LIN54: variants seen among roughly 807,000 people sequenced by gnomAD.
LIN54 encodes the protein lin-54 DREAM MuvB core complex component, also known as protein lin-54 homolog.
Under a neutral mutation model 78.7 loss-of-function variants are expected in LIN54, and 9 were observed. That is an observed-to-expected ratio of 0.11 (90% confidence interval 0.07 to 0.20). The LOEUF (loss-of-function observed/expected upper bound fraction) is 0.20. Among genes scored for constraint, LIN54 ranks in the 10% least tolerant of loss-of-function variants. LIN54 has a pLI of 1.00. For synonymous variants in LIN54, 269 were observed against 318.4 expected (o/e 0.84, Z 1.65); for missense variants, 573 against 889.9 (o/e 0.64, Z 4.53).
intron 1 of LIN54, among the ~76,000 whole-genome samples, chr4:82,985,566 A>G (rs1236624205): frequency 6.6e-6 from 1 of 152,186 alleles, no homozygotes; most frequent in Non-Finnish European, 1.5e-5. Flanking sequence ...ATTGAGACGG[A>G]GTCTCACTCT....
chr4:83,001,572 G>T lies in LIN54; in HGVS notation c.-33+8912C>A, dbSNP rs1484489835. ...AAAAGAAAAGAAAAAGAAGCCGGGCGCAGTGGCTCACGCCTGTAATCCCAG... is the reference window on the plus strand; with the variant it reads ...AAAAGAAAAGAAAAAGAAGCCGGGCTCAGTGGCTCACGCCTGTAATCCCAG... On this transcript the variant is annotated intron_variant, in intron 1 of 12. Coordinates refer to ENST00000340417, the MANE Select transcript of LIN54 (RefSeq NM_194282.4). 2.0e-5 allele frequency among the ~76,000 whole-genome samples: 3 copies of T among 151,276 alleles called. No homozygotes were observed. The East Asian group carries it at 5.9e-4, about 30-fold the overall frequency.
chr4:82,978,594 A>G (rs1254146511), intron 3 of LIN54, among the ~76,000 whole-genome samples: 2 of 152,172 alleles, frequency 1.3e-5, no homozygotes. Flanking sequence ...AGGGCTAAGA[A>G]TGGTGCCTAG....
At chr4:82,965,038 T>C (rs1725094650) in intron 4 of LIN54, among the ~76,000 whole-genome samples, 1 of 152,104 alleles carries the variant, frequency 6.6e-6, no homozygotes, top group Admixed American at 6.6e-5. Context: ...AATAAATTTT[T>C]TTTAAAGAAA....
intron 4 of LIN54, among the ~76,000 whole-genome samples, chr4:82,954,713 C>T (rs1052578447): frequency 1.3e-5 from 2 of 152,108 alleles, no homozygotes; most frequent in Non-Finnish European, 2.9e-5. Flanking sequence ...ACAGACCACA[C>T]CCAACACAAT....
At chr4:82,999,613 C>A (rs973438021) in intron 1 of LIN54, among the ~76,000 whole-genome samples, 33 of 151,380 alleles carry the variant, frequency 2.2e-4, no homozygotes, top group Middle Eastern at 6.8e-3. Flanking sequence ...CCTGTCTCTA[C>A]CAAAAAATAC....
At position 83,009,333 on chromosome 4, in the gene LIN54, C is replaced by T. The variant is rs116050139; in HGVS notation, c.-33+1151G>A. Among the ~76,000 whole-genome samples the T allele has an allele frequency of 1.1e-3, 172 of 152,232 alleles. 1 individual carries two copies. The highest frequency in any genetic ancestry group is 4.0e-3 in the African/African-American group (165 of 41,552). ...ATACTCTCTGTAGACAATTTGAATACGGAAATTTAGGGCTAATCATAAACA... is the reference window on the plus strand; with the variant it reads ...ATACTCTCTGTAGACAATTTGAATATGGAAATTTAGGGCTAATCATAAACA... On this transcript the variant is annotated intron_variant, in intron 1 of 12. Coordinates refer to ENST00000340417, the MANE Select transcript of LIN54 (RefSeq NM_194282.4).
At chr4:82,950,205 G>C (rs1051011549) in intron 4 of LIN54, among the ~76,000 whole-genome samples, 3 of 152,000 alleles carry the variant, frequency 2.0e-5, no homozygotes, top group Admixed American at 6.6e-5. Context: ...ACACTTTTTT[G>C]ACGTGTTAGT....
At chr4:82,947,476 T>G (rs2126046365) in intron 4 of LIN54, among the ~76,000 whole-genome samples, 1 of 150,830 alleles carries the variant, frequency 6.6e-6, no homozygotes, top group African/African-American at 2.4e-5. Context: ...CAGGCTGGTC[T>G]TGAACTCCTG....
At chr4:82,959,164 C>CA (rs201193929) in intron 4 of LIN54, among the ~76,000 whole-genome samples, 157 of 150,866 alleles carry the variant, frequency 1.0e-3, no homozygotes, top group Admixed American at 1.8e-3. Flanking sequence ...TTCCCTGAAA[C>CA]AAAAAAAAGG....
chr4:82,989,009 A>C (rs1292213952), intron 1 of LIN54, among the ~76,000 whole-genome samples: 2 of 152,114 alleles, frequency 1.3e-5, no homozygotes, highest in African/African-American at 4.8e-5. Context: ...TAACATGGTG[A>C]AACCCCATCT....
chr4:82,981,689 G>GT (rs766858735), intron 2 of LIN54, among the ~76,000 whole-genome samples: 31 of 151,792 alleles, frequency 2.0e-4, no homozygotes, highest in Admixed American at 5.3e-4. Context: ...CCTTTTTATT[G>GT]TTTTTTTTAA....
At chr4:82,935,092 G>C (rs894883584) in intron 11 of LIN54, among the ~76,000 whole-genome samples, 6 of 151,984 alleles carry the variant, frequency 3.9e-5, no homozygotes, top group Non-Finnish European at 7.4e-5. Context: ...ACCTCATCCA[G>C]CAGAATGCCA....
intron 1 of LIN54, among the ~76,000 whole-genome samples, chr4:82,994,750 T>A (rs1728050474): frequency 6.6e-6 from 1 of 152,008 alleles, no homozygotes. Context: ...TTTATGTCAG[T>A]TAGCAAAAGC....
At chr4:83,006,322 G>A (rs745371351) in intron 1 of LIN54, among the ~76,000 whole-genome samples, 63 of 152,042 alleles carry the variant, frequency 4.1e-4, no homozygotes, top group Admixed American at 6.6e-4. Context: ...GCTGGCATGC[G>A]CCTGTAGTCC....
intron 1 of LIN54, among the ~76,000 whole-genome samples, chr4:82,994,341 C>A (rs973481887): frequency 6.6e-6 from 1 of 151,926 alleles, no homozygotes; most frequent in Non-Finnish European, 1.5e-5. Flanking sequence ...AAATTAGAGA[C>A]TTATTTTTTG....
upstream of LIN54, among the ~76,000 whole-genome samples, chr4:83,012,273 T>C (rs1441556094): frequency 6.6e-6 from 1 of 152,052 alleles, no homozygotes; most frequent in Non-Finnish European, 1.5e-5. Context: ...CTCGGGAACA[T>C]TATGACATTT....
Position 82,946,185 on chromosome 4 carries a change from A to G in LIN54, c.1168+73T>C, listed in dbSNP as rs1428104489. 3.0e-6 allele frequency: 4 copies of G among 1,326,642 alleles called. No individual in the cohort carries two copies. The Admixed American group carries it at 6.8e-5, about 22-fold the overall frequency. The allele number at this position is 1,326,642 out of a possible 1,614,324, so 82.2% of individuals were successfully genotyped here. A position where few individuals can be genotyped will look rare whatever the true frequency, so the allele number is the denominator to read the frequency against. On this transcript the variant is annotated intron_variant, in intron 5 of 12. Coordinates refer to ENST00000340417, the MANE Select transcript of LIN54 (RefSeq NM_194282.4). ...AAATGCCACTCTTCATCAGGATTTCAGCAAGAAATGGACAAATGTTCTTTA... is the reference window on the plus strand; with the variant it reads ...AAATGCCACTCTTCATCAGGATTTCGGCAAGAAATGGACAAATGTTCTTTA...
chr4:83,010,877 C>T (rs1033794139), upstream of LIN54: 15 of 1,188,962 alleles, frequency 1.3e-5, no homozygotes, highest in African/African-American at 4.8e-5. Context: ...GGGAGGCGCA[C>T]ACCCACATAT....
intron 2 of LIN54, among the ~76,000 whole-genome samples, chr4:82,983,677 A>G (rs1369124506): frequency 6.6e-6 from 1 of 152,180 alleles, no homozygotes; most frequent in Non-Finnish European, 1.5e-5. Flanking sequence ...AATAATGGCA[A>G]TGAACAGTAA....
Sources: allele counts gnomAD v4.1 joint callset (sites outside exome capture counted in the v4.1 genomes callset), GRCh38; gene constraint gnomAD v4.1.1; transcripts MANE v1.5; gene names NCBI Gene and HGNC (gene_info 2026-07-23, HGNC 2026-07-21).